The following LIMK1 variants were observed in gnomAD, a reference collection of about 807,000 sequenced individuals.
The protein encoded by LIMK1 is LIM motif-containing protein kinase.
Under a neutral mutation model 77.6 loss-of-function variants are expected in LIMK1, and 21 were observed. That is an observed-to-expected ratio of 0.27 (90% CI 0.19 to 0.39). The LOEUF (loss-of-function observed/expected upper bound fraction) is 0.39, where lower values mean the gene tolerates loss of function less well. Ranked by LOEUF, LIMK1 falls within the 10% of genes least tolerant of loss-of-function variation. The pLI is 1.00. For synonymous variants in LIMK1, 358 were observed against 370.0 expected, an observed-to-expected ratio of 0.97 and a Z score of 0.37; for missense variants, 696 against 901.6, an observed-to-expected ratio of 0.77 and a Z score of 2.92.
chr7:74,083,857 G>A lies in LIMK1; in HGVS notation c.-134G>A, dbSNP rs2115597390. 1 of 147,202 alleles carries A rather than the reference G, an allele frequency of 6.8e-6. No homozygotes were observed. Among genetic ancestry groups the A allele is most frequent in the East Asian group, 2.0e-4 (1 of 4,986 alleles). The allele number at this position is 147,202 out of a possible 1,614,324, so 9.1% of individuals were successfully genotyped here. A position where few individuals can be genotyped will look rare whatever the true frequency, so the allele number is the denominator to read the frequency against. On this transcript the variant is annotated 5_prime_UTR_variant, in exon 1 of 16. Coordinates refer to ENST00000336180, the MANE Select transcript of LIMK1 (RefSeq NM_002314.4). ...AGCCGGTTTCCCCGCCGGTGTCCGA[G>A]AGGCGCCCCCGGCCCGGCCCGGCCC...
intron 10 of LIMK1, 102 bp from the exon 11 acceptor site, chr7:74,111,546 A>T: frequency 1.1e-6 from 1 of 908,444 alleles, no homozygotes; most frequent in Non-Finnish European, 1.8e-6. Context: ...GAGCCCAGGG[A>T]CCCTCTAGGA....
intron 9 of LIMK1, 105 bp downstream of exon 9, chr7:74,108,062 A>G: frequency 1.2e-6 from 1 of 817,816 alleles, no homozygotes; most frequent in Non-Finnish European, 2.1e-6. Flanking sequence ...TTGAAAGAAG[A>G]GCGAGCAGGC....
chr7:74,095,652 C>T (rs1327560766), intron 2 of LIMK1, among the ~76,000 whole-genome samples: 1 of 152,100 alleles, frequency 6.6e-6, no homozygotes. Context: ...GTGATCCTCC[C>T]ACCTTCGCCT....
chr7:74,087,457 C>T (rs926945370), intron 2 of LIMK1, among the ~76,000 whole-genome samples: 7 of 152,070 alleles, frequency 4.6e-5, no homozygotes, highest in Non-Finnish European at 8.8e-5. Context: ...GAATTACAGG[C>T]ATAGTCACCA....
At chr7:74,118,377 AACACACACACACACACACACACACAC>A (rs57707215) in intron 13 of LIMK1, among the ~76,000 whole-genome samples, 7 of 130,130 alleles carry the variant, frequency 5.4e-5, no homozygotes, top group Admixed American at 2.4e-4. Flanking sequence ...CTCTGTGTCA[AACACACACACACACACACACACACAC>A]ACACACACAC....
At position 74,106,198 on chromosome 7, in the gene LIMK1, C is replaced by A; in HGVS notation, c.836C>A (p.Thr279Asn). Residue 279 changes from threonine (T) to asparagine (N), a missense_variant, in exon 7 of 16, where the codon ACT (threonine) becomes AAT (asparagine). Physicochemically the swap from Thr to Asn is moderately conservative, Grantham distance 65. Around this residue, in one of 3 missense-constraint regions of LIMK1, gnomAD observed 438 missense variants for 602.3 expected, o/e 0.73. Coordinates refer to ENST00000336180, the MANE Select transcript of LIMK1 (RefSeq NM_002314.4). The part of the protein sequence containing the change: ...ETSPLSSPAY[T>N]PSGEAGSSAR... ...AGCCCCCTGAGCTCTCCGGCTTATA[C>A]TCCCAGCGGGGAGGCGGGCAGCTCT... The A allele has an allele frequency of 1.2e-6, 2 of 1,613,920 alleles. No homozygotes were observed. The highest frequency in any genetic ancestry group is 1.7e-6 in the Non-Finnish European group (2 of 1,180,018).
rs868961669 is a variant in LIMK1 at position 74,084,094 on chromosome 7, G to C, written c.55+49G>C. The stretch of plus-strand genomic sequence containing the variant: ...GCGAGGGCCTGGAGGGGGTGCCCGG[G>C]GCAGCGTGGGGCACGGGAGGGGGCC... On this transcript the variant is annotated intron_variant, in intron 1 of 15. Coordinates refer to ENST00000336180, the MANE Select transcript of LIMK1 (RefSeq NM_002314.4). 1.4e-5 allele frequency: 15 copies of C among 1,095,976 alleles called. No homozygotes were observed. The Middle Eastern group carries it at 1.1e-3, about 79-fold the overall frequency. 67.9% of individuals were successfully genotyped at this position (1,095,976 alleles called of 1,614,324 possible). A position where few individuals can be genotyped will look rare whatever the true frequency, so the allele number is the denominator to read the frequency against.
intron 4 of LIMK1, among the ~76,000 whole-genome samples, chr7:74,098,410 C>T (rs1799378113): frequency 6.6e-6 from 1 of 152,198 alleles, no homozygotes; most frequent in Non-Finnish European, 1.5e-5. Context: ...TTAATGACTT[C>T]CTCCTGAACT....
intron 2 of LIMK1, chr7:74,094,469 G>T (rs1340295297): frequency 2.0e-5 from 3 of 152,238 alleles, no homozygotes; most frequent in Non-Finnish European, 4.4e-5. Flanking sequence ...CCACTGCAGA[G>T]GTATGCGGGG....
chr7:74,109,715 G>C (rs1370042961), intron 10 of LIMK1: 1 of 152,910 alleles, frequency 6.5e-6, no homozygotes, highest in African/African-American at 2.4e-5. Context: ...CAAGGTGGCA[G>C]GTGCCTGTAG....
At chr7:74,110,582 G>C (rs1799676465) in intron 10 of LIMK1, 1 of 152,200 alleles carries the variant, frequency 6.6e-6, no homozygotes, top group African/African-American at 2.4e-5. Flanking sequence ...TGTCCAGCCT[G>C]AAGTGCAATG....
intron 2 of LIMK1, among the ~76,000 whole-genome samples, chr7:74,091,728 G>T (rs1483416160): frequency 1.3e-5 from 2 of 152,132 alleles, no homozygotes; most frequent in African/African-American, 4.8e-5. Context: ...TGTAGTGTCA[G>T]GTATTGGGGG....
At chr7:74,105,758 T>A in intron 5 of LIMK1, 117 bp from the exon 6 acceptor site, 1 of 657,074 alleles carries the variant, frequency 1.5e-6, no homozygotes, top group Admixed American at 2.6e-5. Flanking sequence ...TACTTCCCAG[T>A]CACACGAAGT....
At chr7:74,089,483 CAG>C (rs1554694475) in intron 2 of LIMK1, among the ~76,000 whole-genome samples, 1 of 151,654 alleles carries the variant, frequency 6.6e-6, no homozygotes, top group African/African-American at 2.4e-5. Flanking sequence ...GCCTGGGTGA[CAG>C]AGTGAAATCC....
In LIMK1 at chr7:74,093,199, C is replaced by T. The variant is rs991361202; in HGVS notation, c.153-3423C>T. 4 of 1,532,456 alleles carry T rather than the reference C, an allele frequency of 2.6e-6. No homozygotes were observed. The African/African-American group carries it at 5.5e-5, about 21-fold the overall frequency. The allele number at this position is 1,532,456 out of a possible 1,614,324, so 94.9% of individuals were successfully genotyped here. A position where few individuals can be genotyped will look rare whatever the true frequency, so the allele number is the denominator to read the frequency against. ...GAGGATGGGGAAGCAGCTGGTCTGG[C>T]CACCCCTGCCCTCCCTTAGACCTCC... On this transcript the variant is annotated intron_variant, in intron 2 of 15. Coordinates refer to ENST00000336180, the MANE Select transcript of LIMK1 (RefSeq NM_002314.4).
intron 2 of LIMK1, among the ~76,000 whole-genome samples, chr7:74,087,793 T>G (rs1799160417): frequency 6.6e-6 from 1 of 152,200 alleles, no homozygotes; most frequent in East Asian, 1.9e-4. Context: ...TTTTGCCATG[T>G]TGGCCAGGCT....
chr7:74,085,830 C>T lies in LIMK1; in HGVS notation c.138C>T (p.His46=), dbSNP rs782072818. 29 of 1,555,114 alleles carry T rather than the reference C, an allele frequency of 1.9e-5. No homozygotes were observed. The highest frequency in any genetic ancestry group is 9.6e-5 in the Admixed American group (5 of 51,874). ...TCCAGGCCCTGAACGCGGACTGGCA[C>T]GCAGACTGCTTCAGGTAGGGTGGGG... is the stretch of plus-strand genomic sequence containing the variant. The part of the protein sequence containing the change: ...QYLQALNADW[H]ADCFRCCDCS... The change falls in exon 2 of 16, where the codon CAC becomes CAT. Residue 46 remains histidine (H), a synonymous_variant. Coordinates refer to ENST00000336180, the MANE Select transcript of LIMK1 (RefSeq NM_002314.4).
chr7:74,109,872 C>CA (rs1554698376), intron 10 of LIMK1: 1 of 152,274 alleles, frequency 6.6e-6, no homozygotes, highest in Non-Finnish European at 1.5e-5. Context: ...GGAAGCCTCA[C>CA]AGAGCCCTGT....
At chr7:74,096,972 C>A in intron 3 of LIMK1, 108 bp from the exon 4 acceptor site, 1 of 1,055,396 alleles carries the variant, frequency 9.5e-7, no homozygotes, top group Non-Finnish European at 1.4e-6. Context: ...CCAGCCGGGT[C>A]CCTGCAGTTG....
Sources: allele counts gnomAD v4.1 joint callset (sites outside exome capture counted in the v4.1 genomes callset), GRCh38; gene constraint gnomAD v4.1.1; regional missense constraint gnomAD v4.1.1; transcripts MANE v1.5; gene names NCBI Gene and HGNC (gene_info 2026-07-23, HGNC 2026-07-21).